Variants in TRIO observed in about 807,000 individuals in gnomAD.
The protein encoded by TRIO is trio Rho guanine nucleotide exchange factor, also known as triple functional domain protein.
Under a neutral mutation model 351.9 loss-of-function variants are expected in TRIO, and 58 were observed. That is an observed-to-expected ratio of 0.16 (90% CI 0.13 to 0.21). The LOEUF is 0.21. TRIO is among the 10% of genes least tolerant of loss of function. The probability of loss-of-function intolerance (pLI) is 1.00; values close to 1 mark genes in which losing one functional copy is unlikely to be tolerated. For missense variants in TRIO, 3,201 were observed against 4,027.8 expected, an observed-to-expected ratio of 0.79 and a Z score of 5.56; for synonymous variants, 1,758 against 1,595.7, an observed-to-expected ratio of 1.10 and a Z score of -2.42.
At chr5:14,222,255 C>A (rs32392) in intron 1 of TRIO, among the ~76,000 whole-genome samples, 1 of 151,340 alleles carries the variant, frequency 6.6e-6, no homozygotes, top group South Asian at 2.1e-4. Context: ...TACCATGTAA[C>A]GTATAGTGTA....
In TRIO at chr5:14,507,927, A is replaced by G; in HGVS notation, c.8799A>G (p.Lys2933=). 2 of 1,614,140 alleles carry G rather than the reference A, an allele frequency of 1.2e-6. No individual in the cohort carries two copies. The highest frequency in any genetic ancestry group is 1.7e-6 in the Non-Finnish European group (2 of 1,180,024). ...VDESLAKPTI[K]LADFGDAVQL... Reference sequence around the variant, plus strand: ...AGAGTTTAGCCAAGCCAACCATCAAACTGGCTGACTTTGGAGATGCTGTTC... The same window carrying G: ...AGAGTTTAGCCAAGCCAACCATCAAGCTGGCTGACTTTGGAGATGCTGTTC... Residue 2933 remains lysine, a synonymous_variant, in exon 57 of 57, where the codon AAA becomes AAG. Transcript: ENST00000344204.
At chr5:14,502,459 C>CTTTGT in intron 53 of TRIO, 120 bp from the exon 54 acceptor site, 1 of 830,482 alleles carries the variant, frequency 1.2e-6, no homozygotes, top group East Asian at 2.6e-5. Flanking sequence ...TCGCATGAGC[C>CTTTGT]GTGTGGCAGG....
At chr5:14,252,007 C>T (rs1794773759) in intron 1 of TRIO, among the ~76,000 whole-genome samples, 1 of 150,588 alleles carries the variant, frequency 6.6e-6, no homozygotes, top group South Asian at 2.1e-4. Flanking sequence ...GCTGTGGTAC[C>T]TCCTTAACCA....
chr5:14,502,538 C>G, intron 53 of TRIO, 41 bp from the exon 54 acceptor site: 1 of 1,609,394 alleles, frequency 6.2e-7, no homozygotes, highest in Admixed American at 1.7e-5. Flanking sequence ...CCAAGAAGCT[C>G]CACGGGAAAC....
intron 1 of TRIO, among the ~76,000 whole-genome samples, chr5:14,207,313 GTC>G (rs1210659400): frequency 2.2e-4 from 2 of 9,032 alleles, no homozygotes; most frequent in African/African-American, 3.7e-4. Context: ...TAGCAAGACT[GTC>G]TCTCACACAC....
chr5:14,486,602 T>C (rs140313871), intron 47 of TRIO, among the ~76,000 whole-genome samples: 123 of 152,290 alleles, frequency 8.1e-4, no homozygotes, highest in Non-Finnish European at 9.6e-4. Context: ...ATCATTGTCT[T>C]TAAAATAGAA....
chr5:14,187,910 G>A (rs27665), intron 1 of TRIO, among the ~76,000 whole-genome samples: 122,477 of 152,136 alleles, frequency 0.81, 49,928 homozygotes, highest in East Asian at 0.99. Flanking sequence ...TGTCACTGAA[G>A]TTTTTATTTG....
chr5:14,378,168 G>A lies in TRIO; in HGVS notation c.3447+41G>A, dbSNP rs199890795. On this transcript the variant is annotated intron_variant, in intron 20 of 56. Transcript: ENST00000344204. Reference sequence around the variant, plus strand: ...GTGCCCAGCCTCCCCCTAAACTCCCGTGCTCACACCTGTCTCCACAGAGAG... The same window carrying A: ...GTGCCCAGCCTCCCCCTAAACTCCCATGCTCACACCTGTCTCCACAGAGAG... 14 of 1,465,018 alleles carry A rather than the reference G, an allele frequency of 9.6e-6. 1 individual carries two copies. The highest frequency in any genetic ancestry group is 4.0e-4 in the Middle Eastern group (2 of 4,982). 90.8% of individuals were successfully genotyped at this position (1,465,018 alleles called of 1,614,324 possible).
At chr5:14,205,998 C>T (rs568758125) in intron 1 of TRIO, among the ~76,000 whole-genome samples, 7 of 152,114 alleles carry the variant, frequency 4.6e-5, no homozygotes, top group Non-Finnish European at 5.9e-5. Flanking sequence ...TCTCCTAAAG[C>T]GTTGGGATTA....
intron 1 of TRIO, among the ~76,000 whole-genome samples, chr5:14,216,598 C>T (rs1792244009): frequency 6.6e-6 from 1 of 152,240 alleles, no homozygotes; most frequent in Non-Finnish European, 1.5e-5. Flanking sequence ...TATTTCAGTG[C>T]ATACCATAAA....
intron 8 of TRIO, among the ~76,000 whole-genome samples, chr5:14,309,320 T>C (rs1738702554): frequency 6.6e-6 from 1 of 152,146 alleles, no homozygotes; most frequent in Non-Finnish European, 1.5e-5. Flanking sequence ...ATTTGCTCCA[T>C]TTCCCAACCA....
chr5:14,378,827 TGGGA>T (rs1745809631), intron 20 of TRIO, among the ~76,000 whole-genome samples: 1 of 152,168 alleles, frequency 6.6e-6, no homozygotes, highest in Non-Finnish European at 1.5e-5. Context: ...CCCAAAGTGC[TGGGA>T]TTACAGGCAT....
At chr5:14,273,644 G>A (rs1735231418) in intron 2 of TRIO, among the ~76,000 whole-genome samples, 1 of 152,124 alleles carries the variant, frequency 6.6e-6, no homozygotes, top group African/African-American at 2.4e-5. Context: ...GCCATATGAG[G>A]ACGCAGCATT....
At chr5:14,336,963 C>G (rs1197376276) in intron 11 of TRIO, among the ~76,000 whole-genome samples, 1 of 152,040 alleles carries the variant, frequency 6.6e-6, no homozygotes, top group Non-Finnish European at 1.5e-5. Context: ...AAGAGAGGAC[C>G]CATGAGGGTT....
chr5:14,310,391 C>T (rs1310724492), intron 8 of TRIO, among the ~76,000 whole-genome samples: 3 of 152,366 alleles, frequency 2.0e-5, no homozygotes, highest in Admixed American at 6.5e-5. Flanking sequence ...GGGGCGTTGG[C>T]CTGCTGGATC....
At chr5:14,444,455 A>G (rs1407020294) in intron 34 of TRIO, among the ~76,000 whole-genome samples, 1 of 152,228 alleles carries the variant, frequency 6.6e-6, no homozygotes, top group African/African-American at 2.4e-5. Flanking sequence ...GGTTTAAGAC[A>G]GGATGTGCAG....
At position 14,474,118 on chromosome 5, in the gene TRIO, C is replaced by T. The variant is rs756025378; in HGVS notation, c.6083+21C>T. On this transcript the variant is annotated intron_variant, in intron 40 of 56. Transcript: ENST00000344204. ...AGAGAGTACGTAAACATGCATTGTGCCCGATGGTGTGCAAAGCAGCCACAC... is the reference window on the plus strand; with the variant it reads ...AGAGAGTACGTAAACATGCATTGTGTCCGATGGTGTGCAAAGCAGCCACAC... 3.1e-6 allele frequency: 5 copies of T among 1,601,172 alleles called. No individual in the cohort carries two copies. The Admixed American group carries it at 5.0e-5, about 16-fold the overall frequency.
chr5:14,460,320 G>T (rs114035323), intron 34 of TRIO, among the ~76,000 whole-genome samples: 4,336 of 152,290 alleles, frequency 0.028, 89 homozygotes, highest in South Asian at 0.046. Context: ...AAGTCCCGGT[G>T]TGCCGCCGTG....
rs951055069 is a variant in TRIO at position 14,336,659 on chromosome 5, G to A, written c.1978G>A (p.Val660Ile). The change falls in exon 11 of 57, where the codon GTT becomes ATT. Residue 660 changes from valine (V) to isoleucine (I), a missense_variant. Around this residue, in one of 19 missense-constraint regions of TRIO, gnomAD observed 363 missense variants for 553.5 expected, o/e 0.66. Transcript: ENST00000344204. ...GCTGGAAGACCGGATTCAAGATTTC[G>A]TTCGGCGTGTTGAGCAGCGAAAGAT... ...HQLEDRIQDF[V>I]RRVEQRKILL... 4.3e-6 allele frequency: 7 copies of A among 1,614,220 alleles called. No homozygotes were observed. The highest frequency in any genetic ancestry group is 1.6e-4 in the Middle Eastern group (1 of 6,062).
Sources: gnomAD v4.1 joint callset for allele counts (sites outside exome capture counted in the v4.1 genomes callset) on GRCh38, gnomAD v4.1.1 for gene constraint, gnomAD v4.1.1 regional missense constraint, MANE v1.5 for transcripts, NCBI Gene and HGNC (gene_info 2026-07-23, HGNC 2026-07-21) for gene names.